The following VPS54 variants were observed in gnomAD, a reference collection of about 807,000 sequenced individuals.
VPS54 encodes vacuolar protein sorting-associated protein 54.
A neutral mutation model predicts 121.5 loss-of-function variants in VPS54; 45 were observed. That is an observed-to-expected ratio of 0.37 (90% CI 0.29 to 0.47). The LOEUF is 0.47. Among genes scored for constraint, VPS54 ranks in the 20% least tolerant of loss-of-function variants. VPS54 has a pLI of 0.99. For missense variants in VPS54, 1,090 were observed against 1,131.4 expected, an observed-to-expected ratio of 0.96 and a Z score of 0.52; for synonymous variants, 371 against 385.8, an observed-to-expected ratio of 0.96 and a Z score of 0.45.
At chr2:63,915,941 C>T (rs1673362268) in intron 16 of VPS54, among the ~76,000 whole-genome samples, 1 of 152,124 alleles carries the variant, frequency 6.6e-6, no homozygotes, top group Non-Finnish European at 1.5e-5. Flanking sequence ...ATAAACAATT[C>T]TATTATACTA....
chr2:63,964,557 T>C (rs1421747072), intron 6 of VPS54, among the ~76,000 whole-genome samples: 1 of 152,224 alleles, frequency 6.6e-6, no homozygotes, highest in Non-Finnish European at 1.5e-5. Flanking sequence ...AGCCTGTGTC[T>C]CTAAACCCAT....
At chr2:63,950,858 T>C (rs1174446855) in intron 7 of VPS54, among the ~76,000 whole-genome samples, 1 of 152,178 alleles carries the variant, frequency 6.6e-6, no homozygotes, top group Non-Finnish European at 1.5e-5. Context: ...TCCTCCATTA[T>C]TTTCTAAATG....
intron 1 of VPS54, among the ~76,000 whole-genome samples, chr2:63,995,305 G>A (rs1048141698): frequency 3.3e-5 from 5 of 152,182 alleles, no homozygotes; most frequent in Admixed American, 6.5e-5. Flanking sequence ...CCAATGCATT[G>A]TCATTTATAC....
At chr2:63,894,673 A>G (rs765807398) in intron 22 of VPS54, among the ~76,000 whole-genome samples, 2 of 151,448 alleles carry the variant, frequency 1.3e-5, no homozygotes, top group Non-Finnish European at 2.9e-5. Flanking sequence ...ACTGCCCTCC[A>G]GCCTGTGTGA....
chr2:64,015,070 TA>T (rs1282640367), intron 1 of VPS54, among the ~76,000 whole-genome samples: 1 of 151,876 alleles, frequency 6.6e-6, no homozygotes, highest in African/African-American at 2.4e-5. Flanking sequence ...GTGTTATCCA[TA>T]AAGTTAAACA....
intron 1 of VPS54, among the ~76,000 whole-genome samples, chr2:64,000,057 T>C (rs758515623): frequency 6.6e-6 from 1 of 152,012 alleles, no homozygotes; most frequent in Non-Finnish European, 1.5e-5. Flanking sequence ...AGGCAGGGTT[T>C]CACCATGTTG....
At chr2:63,905,931 C>A (rs1247885768) in intron 20 of VPS54, among the ~76,000 whole-genome samples, 1 of 152,084 alleles carries the variant, frequency 6.6e-6, no homozygotes, top group Non-Finnish European at 1.5e-5. Context: ...GAAATGCAGA[C>A]CATATGATCA....
chr2:63,902,831 G>A (rs769876147), intron 20 of VPS54, among the ~76,000 whole-genome samples: 1 of 152,126 alleles, frequency 6.6e-6, no homozygotes, highest in African/African-American at 2.4e-5. Context: ...AGCTGGGTGT[G>A]GTGGTGCATG....
At chr2:63,934,512 G>A (rs1338197284) in intron 11 of VPS54, among the ~76,000 whole-genome samples, 2 of 151,952 alleles carry the variant, frequency 1.3e-5, no homozygotes, top group African/African-American at 2.4e-5. Flanking sequence ...CCACCTCAGT[G>A]CCTCTGCTGT....
chr2:63,933,548 T>C, intron 12 of VPS54, 125 bp downstream of exon 12: 1 of 810,780 alleles, frequency 1.2e-6, no homozygotes, highest in Non-Finnish European at 1.9e-6. Context: ...TTCATAAAAT[T>C]AATATATTTT....
In VPS54 at chr2:63,925,610, A is replaced by AATAC. The variant is rs565092568; in HGVS notation, c.1740-4279_1740-4276dup. Among the ~76,000 whole-genome samples the AATAC allele has an allele frequency of 3.3e-4, 50 of 152,384 alleles. 2 individuals carry two copies. The East Asian group carries it at 8.1e-3, about 25-fold the overall frequency. Reference sequence around the variant, plus strand: ...ATAACCCAAATCTTATCAAAAGTAAAATACATACATACATTGTGGTGTATC... The same window carrying AATAC: ...ATAACCCAAATCTTATCAAAAGTAAAATACATACATACATACATTGTGGTGTATC... On this transcript the variant is annotated intron_variant, in intron 12 of 22. Coordinates refer to ENST00000272322, the MANE Select transcript of VPS54 (RefSeq NM_016516.3).
In VPS54 at chr2:63,916,886, A is replaced by T. The variant is rs190823081; in HGVS notation, c.2228+14T>A. The stretch of plus-strand genomic sequence containing the variant: ...ATAGTTGACTCAACTACTAAAGAAA[A>T]ATGTGTCACTCACCCAACAACTGCA... On this transcript the variant is annotated intron_variant, in intron 16 of 22. Coordinates refer to ENST00000272322, the MANE Select transcript of VPS54 (RefSeq NM_016516.3). The T allele has an allele frequency of 0.021, 33,843 of 1,612,602 alleles. 434 individuals are homozygous for T. The highest frequency in any genetic ancestry group is 0.022 in the Non-Finnish European group (26,371 of 1,178,828).
chr2:63,943,873 T>A (rs1309329228), intron 10 of VPS54, among the ~76,000 whole-genome samples: 1 of 151,728 alleles, frequency 6.6e-6, no homozygotes. Context: ...TACAGGCATG[T>A]GCCACCATGC....
intron 12 of VPS54, among the ~76,000 whole-genome samples, chr2:63,923,858 G>A (rs1257739321): frequency 6.6e-6 from 1 of 152,156 alleles, no homozygotes; most frequent in African/African-American, 2.4e-5. Context: ...ATTTTTGCAT[G>A]TTCTATATCA....
At position 63,942,560 on chromosome 2, in the gene VPS54, G is replaced by A; in HGVS notation, c.1303C>T (p.Leu435Phe). The A allele has an allele frequency of 6.3e-7, 1 of 1,577,160 alleles. No individual in the cohort carries two copies. The highest frequency in any genetic ancestry group is 8.6e-7 in the Non-Finnish European group (1 of 1,159,896). Residue 435 changes from leucine to phenylalanine, a missense_variant and splice_region_variant, in exon 11 of 23, where the codon CTT (leucine) becomes TTT (phenylalanine). This residue lies in a region of VPS54 where 801 missense variants were observed against 757.0 expected (regional missense o/e 1.06). Coordinates refer to ENST00000272322, the MANE Select transcript of VPS54 (RefSeq NM_016516.3). ...TTCAACATTCTCATCTGATCTGCAA[G>A]CCTAGAAAAAAATAATTCAAACAAA... is the stretch of plus-strand genomic sequence containing the variant. ...EEIDTDVVVKLADQMRMLNFP... is the reference protein window; with the variant it reads ...EEIDTDVVVKFADQMRMLNFP...
Position 63,921,264 on chromosome 2 carries a change from T to C in VPS54, c.1811A>G (p.Tyr604Cys), listed in dbSNP as rs149881790. The change falls in exon 13 of 23, where the codon TAT (tyrosine) becomes TGT (cysteine). Residue 604 changes from tyrosine to cysteine, a missense_variant. Physicochemically the swap from Tyr to Cys is radical, Grantham distance 194 (BLOSUM62 -2). This residue lies in a region of VPS54 where 801 missense variants were observed against 757.0 expected (regional missense o/e 1.06). Transcript: ENST00000272322. ...KLANNIQELL[Y>C]SASDICHDRA... ...ATCATGGCATATATCTGAGGCACTA[T>C]ATAATAATTCCTGGATATTATTTGC... is the stretch of plus-strand genomic sequence containing the variant. 4.3e-6 allele frequency: 7 copies of C among 1,613,224 alleles called. No individual in the cohort carries two copies. The African/African-American group carries it at 6.7e-5, about 15-fold the overall frequency.
chr2:63,948,980 C>G lies in VPS54; in HGVS notation c.1137+57G>C. On this transcript the variant is annotated intron_variant, in intron 8 of 22. Transcript: ENST00000272322. ...TCCTATAATCTGAGAAAAATGTGTT[C>G]TAAGCCAAGACTGTTAAGCAATGGC... is the stretch of plus-strand genomic sequence containing the variant. The G allele has an allele frequency of 3.8e-6, 6 of 1,581,212 alleles. 1 individual carries two copies. The South Asian group carries it at 4.7e-5, about 13-fold the overall frequency.
chr2:64,014,329 A>T (rs1024842715), intron 1 of VPS54, among the ~76,000 whole-genome samples: 1 of 152,232 alleles, frequency 6.6e-6, no homozygotes, highest in Admixed American at 6.5e-5. Flanking sequence ...GTCACTTCCA[A>T]AAATTTTAAC....
intron 16 of VPS54, 23 bp from the exon 17 acceptor site, chr2:63,914,310 C>G (rs1673282268): frequency 1.3e-6 from 2 of 1,496,970 alleles, no homozygotes; most frequent in East Asian, 2.3e-5. Flanking sequence ...AAAAATGGCC[C>G]AATAGGAAAT....
Sources: allele counts gnomAD v4.1 joint callset (sites outside exome capture counted in the v4.1 genomes callset), GRCh38; gene constraint gnomAD v4.1.1; regional missense constraint gnomAD v4.1.1; transcripts MANE v1.5; gene names NCBI Gene and HGNC (gene_info 2026-07-23, HGNC 2026-07-21).